HTR1F: variants seen among roughly 807,000 people sequenced by gnomAD.
The protein encoded by HTR1F is 5-hydroxytryptamine receptor 1F.
In HTR1F, 17 loss-of-function variants were observed where a neutral mutation model predicts 24.0. The ratio of observed to expected loss-of-function variants is 0.71; its 90% CI spans 0.48 to 1.06. The LOEUF is 1.06. HTR1F is among the 50% of genes least tolerant of loss of function. The pLI is 0.00. For synonymous variants in HTR1F, 186 were observed against 156.8 expected, an observed-to-expected ratio of 1.19 and a Z score of -1.39; for missense variants, 391 against 427.8, an observed-to-expected ratio of 0.91 and a Z score of 0.76.
At chr3:87,921,084 G>A (rs1176004385) in intron 2 of HTR1F, among the ~76,000 whole-genome samples, 2 of 151,850 alleles carry the variant, frequency 1.3e-5, no homozygotes, top group African/African-American at 2.4e-5. Context: ...GGAGAAATTA[G>A]CTTATCTTTC....
At chr3:87,894,940 G>A (rs1285139849) in intron 2 of HTR1F, among the ~76,000 whole-genome samples, 1 of 152,086 alleles carries the variant, frequency 6.6e-6, no homozygotes. Context: ...TTAGCGTGAC[G>A]CCTGGCTCAT....
At chr3:87,916,747 C>A (rs1208559902) in intron 2 of HTR1F, among the ~76,000 whole-genome samples, 4 of 151,938 alleles carry the variant, frequency 2.6e-5, no homozygotes, top group Non-Finnish European at 5.9e-5. Flanking sequence ...TAGACCTAAG[C>A]AATGAGATAG....
At chr3:87,908,696 A>T (rs1457237981) in intron 2 of HTR1F, among the ~76,000 whole-genome samples, 2 of 152,012 alleles carry the variant, frequency 1.3e-5, no homozygotes, top group African/African-American at 4.8e-5. Flanking sequence ...CGCACTTAGC[A>T]GATGCTTAAT....
At chr3:87,943,863 G>A (rs1264543044) in intron 2 of HTR1F, among the ~76,000 whole-genome samples, 1 of 152,082 alleles carries the variant, frequency 6.6e-6, no homozygotes, top group Admixed American at 6.5e-5. Flanking sequence ...GCCTGTGAGG[G>A]TCAAATTGAT....
chr3:87,969,061 C>A (rs1436055054), intron 2 of HTR1F, among the ~76,000 whole-genome samples: 2 of 152,240 alleles, frequency 1.3e-5, no homozygotes, highest in African/African-American at 4.8e-5. Context: ...TTGGAAACCT[C>A]CGCCTAGATT....
chr3:87,943,575 G>C (rs77768058), intron 2 of HTR1F, among the ~76,000 whole-genome samples: 2 of 137,214 alleles, frequency 1.5e-5, no homozygotes. Flanking sequence ...TATTAGTTGG[G>C]GAAGGAGTTG....
At chr3:87,935,309 C>T (rs1704385216) in intron 2 of HTR1F, among the ~76,000 whole-genome samples, 1 of 152,188 alleles carries the variant, frequency 6.6e-6, no homozygotes, top group East Asian at 1.9e-4. Context: ...ATCATTGTCT[C>T]TCACCAACAG....
At chr3:87,898,992 A>G (rs1320424957) in intron 2 of HTR1F, among the ~76,000 whole-genome samples, 2 of 152,198 alleles carry the variant, frequency 1.3e-5, no homozygotes, top group African/African-American at 4.8e-5. Flanking sequence ...AAATTTTAAC[A>G]AGATTCTGCT....
chr3:87,860,583 T>C (rs1457039217), intron 2 of HTR1F, among the ~76,000 whole-genome samples: 1 of 152,198 alleles, frequency 6.6e-6, no homozygotes, highest in Non-Finnish European at 1.5e-5. Context: ...TTGAATTTTA[T>C]ATTAAATTTT....
chr3:87,939,464 G>T (rs1182787141), intron 2 of HTR1F, among the ~76,000 whole-genome samples: 3 of 152,122 alleles, frequency 2.0e-5, no homozygotes, highest in Admixed American at 2.0e-4. Flanking sequence ...AGCTCCTCTT[G>T]TACCTCTAGT....
chr3:87,869,568 G>C (rs1705511306), intron 2 of HTR1F, among the ~76,000 whole-genome samples: 1 of 152,086 alleles, frequency 6.6e-6, no homozygotes, highest in Non-Finnish European at 1.5e-5. Flanking sequence ...ATAAACTGGA[G>C]ACCCAAGAGA....
chr3:87,946,749 C>T (rs1704718475), intron 2 of HTR1F, among the ~76,000 whole-genome samples: 1 of 151,920 alleles, frequency 6.6e-6, no homozygotes, highest in Admixed American at 6.5e-5. Flanking sequence ...CCTCAGCCTC[C>T]TGAGAAGCTG....
At chr3:87,857,741 A>G (rs1705226798) in intron 2 of HTR1F, among the ~76,000 whole-genome samples, 1 of 152,112 alleles carries the variant, frequency 6.6e-6, no homozygotes, top group Non-Finnish European at 1.5e-5. Flanking sequence ...TTGACACATC[A>G]CTACCCAGAG....
intron 2 of HTR1F, among the ~76,000 whole-genome samples, chr3:87,828,009 C>T (rs1443647993): frequency 1.0e-5 from 1 of 100,158 alleles, no homozygotes; most frequent in Non-Finnish European, 2.3e-5. Context: ...AGCAAGTAAG[C>T]CTACTCTATG....
intron 2 of HTR1F, among the ~76,000 whole-genome samples, chr3:87,978,588 T>G (rs1483325908): frequency 1.3e-5 from 2 of 151,968 alleles, no homozygotes; most frequent in African/African-American, 4.8e-5. Flanking sequence ...TACCTCCTAT[T>G]TGCAGGCAGG....
chr3:87,986,726 T>C (rs188241642), intron 2 of HTR1F, among the ~76,000 whole-genome samples: 1 of 152,338 alleles, frequency 6.6e-6, no homozygotes, highest in African/African-American at 2.4e-5. Flanking sequence ...AAATTGTTTA[T>C]CAGGCAAATT....
chr3:87,966,626 T>C (rs1705168084), intron 2 of HTR1F, among the ~76,000 whole-genome samples: 1 of 152,032 alleles, frequency 6.6e-6, no homozygotes, highest in Non-Finnish European at 1.5e-5. Flanking sequence ...ATTCAAGTGA[T>C]TTTTTTCATC....
At chr3:87,794,159 AT>A (rs1370349696) in intron 1 of HTR1F, among the ~76,000 whole-genome samples, 3 of 152,120 alleles carry the variant, frequency 2.0e-5, no homozygotes, top group Non-Finnish European at 4.4e-5. Flanking sequence ...TCTGGGCTAC[AT>A]TTCGCTGATA....
chr3:87,943,922 C>T (rs989085409), intron 2 of HTR1F, among the ~76,000 whole-genome samples: 7 of 152,158 alleles, frequency 4.6e-5, no homozygotes, highest in African/African-American at 1.7e-4. Flanking sequence ...TTGGGGGGAA[C>T]ATTTCCCATC....
Sources: allele counts gnomAD v4.1 joint callset (sites outside exome capture counted in the v4.1 genomes callset), GRCh38; gene constraint gnomAD v4.1.1; transcripts MANE v1.5; gene names NCBI Gene and HGNC (gene_info 2026-07-23, HGNC 2026-07-21).